NECTIN1: variants seen among roughly 807,000 people sequenced by gnomAD.
NECTIN1 encodes nectin cell adhesion molecule 1, also known as nectin-1.
In NECTIN1, 23 loss-of-function variants were observed where a neutral mutation model predicts 48.0. The observed-to-expected ratio is 0.48, with a 90% CI of 0.34 to 0.68. The LOEUF (loss-of-function observed/expected upper bound fraction) is 0.68, where lower values mean the gene tolerates loss of function less well. Among genes scored for constraint, NECTIN1 ranks in the 30% least tolerant of loss-of-function variants. The probability of loss-of-function intolerance (pLI) is 0.01; values close to 1 mark genes in which losing one functional copy is unlikely to be tolerated. For missense variants in NECTIN1, 591 were observed against 709.9 expected, an observed-to-expected ratio of 0.83 and a Z score of 1.90; for synonymous variants, 270 against 288.9, an observed-to-expected ratio of 0.93 and a Z score of 0.66.
In NECTIN1 at chr11:119,665,019, C is replaced by A. The variant is rs925747493; in HGVS notation, c.1282G>T (p.Ala428Ser). 6.8e-6 allele frequency: 11 copies of A among 1,613,742 alleles called. No homozygotes were observed. Among genetic ancestry groups the A allele is most frequent in the Non-Finnish European group, 8.5e-6 (10 of 1,179,932 alleles). ...TAGCTGCTTCCACCCAGTGGGCCGG[C>A]CTTCTTCTCGTCGTCTGAGTCGTCG... is the stretch of plus-strand genomic sequence containing the variant. Reference protein sequence around the residue: ...YPDDSDDEKKAGPLGGSSYEE... With the variant: ...YPDDSDDEKKSGPLGGSSYEE... Residue 428 changes from alanine (A) to serine (S), a missense_variant, in exon 6 of 6, where the codon GCC (alanine) becomes TCC (serine). Ala to Ser is a moderately conservative substitution (Grantham distance 99). Transcript: ENST00000264025. The surrounding 1 kb of genome is among the most constrained non-coding windows in gnomAD (Gnocchi z 5.1).
In NECTIN1 at chr11:119,661,741, T is replaced by C. The variant is rs1864669152; in HGVS notation, c.*3006A>G. 1.0e-6 allele frequency: 1 copy of C among 985,620 alleles called. No individual in the cohort carries two copies. Among genetic ancestry groups the C allele is most frequent in the African/African-American group, 1.7e-5 (1 of 57,234 alleles). 61.1% of individuals were successfully genotyped at this position (985,620 alleles called of 1,614,324 possible). A position where few individuals can be genotyped will look rare whatever the true frequency, so the allele number is the denominator to read the frequency against. On this transcript the variant is annotated 3_prime_UTR_variant, in exon 6 of 6. Transcript: ENST00000264025. Reference sequence around the variant, plus strand: ...TAAGGCTCTCTTGCAGCCCGGGCACTGGGAAATTCGTTTCTCCTTAATGGC... The same window carrying C: ...TAAGGCTCTCTTGCAGCCCGGGCACCGGGAAATTCGTTTCTCCTTAATGGC...
At chr11:119,706,599 C>A (rs147165573) in intron 1 of NECTIN1, among the ~76,000 whole-genome samples, 6 of 152,196 alleles carry the variant, frequency 3.9e-5, no homozygotes. Flanking sequence ...GCTTTCAAGT[C>A]GATTTCAAAT....
At chr11:119,708,327 G>A (rs1362385616) in intron 1 of NECTIN1, among the ~76,000 whole-genome samples, 1 of 152,182 alleles carries the variant, frequency 6.6e-6, no homozygotes, top group Admixed American at 6.5e-5. Context: ...GGGCAGAGGA[G>A]AGGGGAATAC....
downstream of NECTIN1, among the ~76,000 whole-genome samples, chr11:119,657,941 A>G (rs896592859): frequency 6.9e-6 from 1 of 144,790 alleles, no homozygotes; most frequent in Admixed American, 6.8e-5. Flanking sequence ...AAAAAAAAAA[A>G]GTCTGTCTAG....
intron 1 of NECTIN1, among the ~76,000 whole-genome samples, chr11:119,691,776 G>A (rs952722530): frequency 6.6e-6 from 1 of 152,158 alleles, no homozygotes; most frequent in Non-Finnish European, 1.5e-5. Context: ...TGGAGGGAGA[G>A]CTCCTGTATA....
intron 1 of NECTIN1, among the ~76,000 whole-genome samples, chr11:119,716,439 C>T (rs911056088): frequency 6.6e-6 from 1 of 152,184 alleles, no homozygotes; most frequent in Non-Finnish European, 1.5e-5. Flanking sequence ...GTTATTCGCC[C>T]CTTCCAGCCT....
intron 1 of NECTIN1, among the ~76,000 whole-genome samples, chr11:119,702,163 C>T (rs1049246160): frequency 3.3e-5 from 5 of 152,204 alleles, no homozygotes; most frequent in African/African-American, 1.2e-4. Flanking sequence ...GATGTGATCT[C>T]ATCTCTAGAC....
intron 1 of NECTIN1, among the ~76,000 whole-genome samples, chr11:119,726,615 C>A (rs192922082): frequency 2.5e-4 from 38 of 152,316 alleles, no homozygotes; most frequent in Non-Finnish European, 5.3e-4. Flanking sequence ...GGGTGGAGCA[C>A]AGCAGGCCTC....
At chr11:119,658,247 C>A (rs1346941462), downstream of NECTIN1, among the ~76,000 whole-genome samples, 1 of 152,054 alleles carries the variant, frequency 6.6e-6, no homozygotes, top group Non-Finnish European at 1.5e-5. Flanking sequence ...GGGAGGTATG[C>A]TTGGCAGAAG....
intron 1 of NECTIN1, among the ~76,000 whole-genome samples, chr11:119,689,883 G>A (rs1865223034): frequency 6.6e-6 from 1 of 152,264 alleles, no homozygotes; most frequent in South Asian, 2.1e-4. Context: ...CCCTCCACCT[G>A]CTTCCAAAGC....
At chr11:119,703,065 C>CCTT (rs1565398068) in intron 1 of NECTIN1, among the ~76,000 whole-genome samples, 2 of 152,246 alleles carry the variant, frequency 1.3e-5, no homozygotes, top group African/African-American at 4.8e-5. Flanking sequence ...TGAGAACATG[C>CCTT]ATGGCACCTG....
intron 5 of NECTIN1, among the ~76,000 whole-genome samples, chr11:119,655,041 C>G (rs1266023236): frequency 6.6e-6 from 1 of 152,012 alleles, no homozygotes; most frequent in Non-Finnish European, 1.5e-5. Flanking sequence ...TCCTGAGTAG[C>G]TGGGATTACA....
At chr11:119,690,846 C>G (rs2135561939) in intron 1 of NECTIN1, among the ~76,000 whole-genome samples, 1 of 152,298 alleles carries the variant, frequency 6.6e-6, no homozygotes, top group African/African-American at 2.4e-5. Context: ...GTGGCCCTTC[C>G]ATCACTGCAG....
chr11:119,664,501 C>CAGT lies in NECTIN1; in HGVS notation c.*243_*245dup. On this transcript the variant is annotated 3_prime_UTR_variant, in exon 6 of 6. Transcript: ENST00000264025. ...AGGTGGGGCCCGTAAAGGGAAGATA[C>CAGT]AGTAACACTAAAGCCACAGTCGAAC... The CAGT allele has an allele frequency of 7.2e-7, 1 of 1,383,492 alleles. No homozygotes were observed. The highest frequency in any genetic ancestry group is 2.7e-5 in the East Asian group (1 of 37,044). 85.7% of individuals were successfully genotyped at this position (1,383,492 alleles called of 1,614,324 possible). A position where few individuals can be genotyped will look rare whatever the true frequency, so the allele number is the denominator to read the frequency against.
In NECTIN1 at chr11:119,677,004, C is replaced by T; in HGVS notation, c.851+98G>A. ...ACTGAGCCCAGACCCTAATTTCTTCCCTGCCTAAAGGCTCCTGGAGGTAGG... is the reference window on the plus strand; with the variant it reads ...ACTGAGCCCAGACCCTAATTTCTTCTCTGCCTAAAGGCTCCTGGAGGTAGG... On this transcript the variant is annotated intron_variant, in intron 4 of 5. Coordinates refer to ENST00000264025, the MANE Select transcript of NECTIN1 (RefSeq NM_002855.5). The surrounding 1 kb of genome is among the most constrained non-coding windows in gnomAD (Gnocchi z 5.4). The T allele has an allele frequency of 9.3e-7, 1 of 1,071,656 alleles. No homozygotes were observed. The highest frequency in any genetic ancestry group is 1.7e-5 in the Admixed American group (1 of 58,972). The allele number at this position is 1,071,656 out of a possible 1,614,324, so 66.4% of individuals were successfully genotyped here. A position where few individuals can be genotyped will look rare whatever the true frequency, so the allele number is the denominator to read the frequency against.
At chr11:119,638,793 G>C in exon 7 of NECTIN1, 1 of 1,613,908 alleles carries the variant, frequency 6.2e-7, no homozygotes, top group South Asian at 1.1e-5. Flanking sequence ...TTCTGGGAGA[G>C]GGGCTGGTCG....
chr11:119,701,188 C>A (rs1183304350), intron 1 of NECTIN1, among the ~76,000 whole-genome samples: 2 of 152,144 alleles, frequency 1.3e-5, no homozygotes, highest in African/African-American at 4.8e-5. Context: ...AATGGGAACA[C>A]CAATTATTGC....
At chr11:119,653,546 A>G (rs1864522575) in intron 5 of NECTIN1, among the ~76,000 whole-genome samples, 2 of 152,198 alleles carry the variant, frequency 1.3e-5, no homozygotes, top group African/African-American at 2.4e-5. Flanking sequence ...GACGACGTCA[A>G]TCAGAGAGAA....
Position 119,661,431 on chromosome 11 carries a change from G to T in NECTIN1, c.*3316C>A. 2.0e-6 allele frequency: 2 copies of T among 985,966 alleles called. No individual in the cohort carries two copies. The highest frequency in any genetic ancestry group is 9.4e-5 in the South Asian group (2 of 21,286). 61.1% of individuals were successfully genotyped at this position (985,966 alleles called of 1,614,324 possible). ...CAGTGTGTGAAGCCTCCCTGTGGGT[G>T]TGGGGACCTGGGGCACACCCACCTG... On this transcript the variant is annotated 3_prime_UTR_variant, in exon 6 of 6. Transcript: ENST00000264025.
Sources: gnomAD v4.1 joint callset for allele counts (sites outside exome capture counted in the v4.1 genomes callset) on GRCh38, gnomAD v4.1.1 for gene constraint, Gnocchi (gnomAD v3.1) non-coding constraint, MANE v1.5 for transcripts, NCBI Gene and HGNC (gene_info 2026-07-23, HGNC 2026-07-21) for gene names.